The following CAMTA1 variants were observed in gnomAD, a reference collection of about 807,000 sequenced individuals.
CAMTA1 encodes calmodulin-binding transcription activator 1.
In CAMTA1, 27 loss-of-function variants were observed where a neutral mutation model predicts 170.9. The observed-to-expected ratio is 0.16, with a 90% confidence interval of 0.12 to 0.22. The LOEUF is 0.22. Ranked by LOEUF, CAMTA1 falls within the 10% of genes least tolerant of loss-of-function variation. CAMTA1 has a pLI of 1.00. For missense variants in CAMTA1, 1,619 were observed against 2,217.2 expected (o/e 0.73, Z 5.42); for synonymous variants, 833 against 891.5 (o/e 0.93, Z 1.17).
chr1:7,290,497 G>A (rs1446101474), intron 5 of CAMTA1, among the ~76,000 whole-genome samples: 1 of 152,144 alleles, frequency 6.6e-6, no homozygotes, highest in Non-Finnish European at 1.5e-5. Flanking sequence ...TCGGGGCCTG[G>A]GATGTTCACT....
intron 4 of CAMTA1, among the ~76,000 whole-genome samples, chr1:7,162,664 T>C (rs1347339985): frequency 6.6e-6 from 1 of 152,206 alleles, no homozygotes; most frequent in Non-Finnish European, 1.5e-5. Flanking sequence ...TATGGCTGAG[T>C]AATATTTTGT....
intron 3 of CAMTA1, among the ~76,000 whole-genome samples, chr1:6,989,349 T>G (rs1346170511): frequency 6.6e-6 from 1 of 152,214 alleles, no homozygotes; most frequent in Non-Finnish European, 1.5e-5. Context: ...GTAATTTCCT[T>G]TGAGAAAGCG....
rs1414095195 is a variant in CAMTA1 at position 7,633,760 on chromosome 1, A to T, written c.511-6640A>T. Among the ~76,000 whole-genome samples, 1 of 152,256 alleles carries T rather than the reference A, an allele frequency of 6.6e-6. No homozygotes were observed. Among genetic ancestry groups the T allele is most frequent in the African/African-American group, 2.4e-5 (1 of 41,460 alleles). ...ACAGAGTCCCAGCCATCCGGAGCTC[A>T]CATTGTGGCCAGGAAAACAGGCCAA... On this transcript the variant is annotated intron_variant, in intron 6 of 22. Transcript: ENST00000303635. This position sits in a 1 kb window ranked among gnomAD's most constrained non-coding sequence, Gnocchi z 4.1.
chr1:7,172,417 C>G (rs191212867), intron 4 of CAMTA1, among the ~76,000 whole-genome samples: 2 of 152,146 alleles, frequency 1.3e-5, no homozygotes, highest in African/African-American at 4.8e-5. Context: ...CCCAAAGTGC[C>G]GGGATTACAG....
At chr1:7,464,062 A>G (rs903370490) in intron 5 of CAMTA1, among the ~76,000 whole-genome samples, 18 of 152,248 alleles carry the variant, frequency 1.2e-4, no homozygotes, top group African/African-American at 4.3e-4. Flanking sequence ...CTCAACTGCC[A>G]TGTTAAGGGG....
At chr1:7,204,899 G>A (rs1450337599) in intron 4 of CAMTA1, among the ~76,000 whole-genome samples, 5 of 141,556 alleles carry the variant, frequency 3.5e-5, no homozygotes, top group Admixed American at 7.5e-5. Flanking sequence ...GCACGACCTC[G>A]GCTCACTGCA....
In CAMTA1 at chr1:6,888,055, C is replaced by T. The variant is rs554571526; in HGVS notation, c.234+62845C>T. 21 of 1,075,586 alleles carry T rather than the reference C, an allele frequency of 2.0e-5. No individual in the cohort carries two copies. In the South Asian group the frequency reaches 5.1e-4, roughly 26 times the overall value. 66.6% of individuals were successfully genotyped at this position (1,075,586 alleles called of 1,614,324 possible). On this transcript the variant is annotated intron_variant, in intron 3 of 22. Transcript: ENST00000303635. ...TTTTTCTTCCTAGCACCTGCCCCAG[C>T]GGTGGTATGTTTTCCAGTCAGTTAC...
At chr1:7,472,693 G>A (rs1468698149) in intron 6 of CAMTA1, among the ~76,000 whole-genome samples, 2 of 152,150 alleles carry the variant, frequency 1.3e-5, no homozygotes, top group Non-Finnish European at 1.5e-5. Context: ...GCCCCCACAT[G>A]AGCCTTTGCC....
intron 4 of CAMTA1, among the ~76,000 whole-genome samples, chr1:7,221,493 C>G (rs980119251): frequency 1.3e-5 from 2 of 152,286 alleles, no homozygotes; most frequent in Non-Finnish European, 2.9e-5. Flanking sequence ...AGAATCAGAC[C>G]TGTTCCATTG....
chr1:6,863,992 A>C (rs903832819), intron 3 of CAMTA1, among the ~76,000 whole-genome samples: 1 of 152,148 alleles, frequency 6.6e-6, no homozygotes, highest in African/African-American at 2.4e-5. Context: ...GGATTTGTCT[A>C]CTGTTTTTCT....
At chr1:7,270,244 TACACACACAC>T (rs57280188) in intron 5 of CAMTA1, among the ~76,000 whole-genome samples, 9,873 of 126,960 alleles carry the variant, frequency 0.078, 597 homozygotes, top group African/African-American at 0.17. Flanking sequence ...CATATATACA[TACACACACAC>T]ACACACACAC....
intron 6 of CAMTA1, among the ~76,000 whole-genome samples, chr1:7,517,033 A>G (rs2094296561): frequency 6.6e-6 from 1 of 152,038 alleles, no homozygotes. Flanking sequence ...TGAACTTCTG[A>G]GCTCTTTCTG....
intron 3 of CAMTA1, among the ~76,000 whole-genome samples, chr1:6,914,165 C>T (rs192416086): frequency 2.8e-4 from 40 of 144,276 alleles, no homozygotes; most frequent in Admixed American, 5.9e-4. Flanking sequence ...AGTGCAACGG[C>T]GTGATCTCGG....
At chr1:6,913,903 T>G (rs927769337) in intron 3 of CAMTA1, among the ~76,000 whole-genome samples, 4 of 151,956 alleles carry the variant, frequency 2.6e-5, no homozygotes, top group South Asian at 2.1e-4. Context: ...ATGAGTAGTA[T>G]TTTTGTCTGG....
intron 3 of CAMTA1, among the ~76,000 whole-genome samples, chr1:6,837,337 G>T (rs191733823): frequency 9.9e-5 from 15 of 152,254 alleles, no homozygotes; most frequent in Admixed American, 7.2e-4. Flanking sequence ...TTAGTACTTT[G>T]TGTTGGGGAG....
At chr1:6,979,822 G>A (rs10158747) in intron 3 of CAMTA1, among the ~76,000 whole-genome samples, 47,627 of 151,010 alleles carry the variant, frequency 0.32, 7,774 homozygotes, top group African/African-American at 0.4. Flanking sequence ...CCCGGCACCC[G>A]GGACACTGTC....
intron 6 of CAMTA1, among the ~76,000 whole-genome samples, chr1:7,548,610 C>T (rs1206978394): frequency 6.9e-6 from 1 of 145,038 alleles, no homozygotes; most frequent in Admixed American, 6.8e-5. Context: ...GTGGAGATGC[C>T]CATGGAAGGT....
intron 5 of CAMTA1, among the ~76,000 whole-genome samples, chr1:7,262,331 G>A (rs933709276): frequency 1.1e-4 from 17 of 152,116 alleles, no homozygotes; most frequent in Admixed American, 7.2e-4. Context: ...GGAGGCCGAG[G>A]CGGGCGGATC....
intron 3 of CAMTA1, among the ~76,000 whole-genome samples, chr1:6,847,652 G>A (rs562294054): frequency 5.3e-5 from 8 of 150,394 alleles, no homozygotes; most frequent in Middle Eastern, 3.2e-3. Flanking sequence ...AATTCTTCCT[G>A]CCTCAGCCTC....
Sources: allele counts gnomAD v4.1 joint callset (sites outside exome capture counted in the v4.1 genomes callset), GRCh38; gene constraint gnomAD v4.1.1; non-coding constraint Gnocchi (gnomAD v3.1); transcripts MANE v1.5; gene names NCBI Gene and HGNC (gene_info 2026-07-23, HGNC 2026-07-21).